The following GRIP1 variants were observed in gnomAD, a reference collection of about 807,000 sequenced individuals.
GRIP1 encodes the protein glutamate receptor interacting protein 1.
GRIP1 carries 45 observed loss-of-function variants against 129.9 expected under a neutral mutation model. The ratio of observed to expected loss-of-function variants is 0.35; its 90% confidence interval spans 0.27 to 0.44. The LOEUF is 0.44. Among genes scored for constraint, GRIP1 ranks in the 20% least tolerant of loss-of-function variants. GRIP1 has a pLI of 1.00. For missense variants in GRIP1, 1,196 were observed against 1,396.8 expected, an observed-to-expected ratio of 0.86 and a Z score of 2.29; for synonymous variants, 530 against 520.8, an observed-to-expected ratio of 1.02 and a Z score of -0.24.
intron 1 of GRIP1, among the ~76,000 whole-genome samples, chr12:66,888,386 GTC>G (rs1469547058): frequency 6.6e-6 from 1 of 152,024 alleles, no homozygotes; most frequent in South Asian, 2.1e-4. Flanking sequence ...TTAAGATAGA[GTC>G]TCTCTCTGTC....
chr12:66,976,565 A>C (rs543514884), intron 1 of GRIP1, among the ~76,000 whole-genome samples: 2 of 152,192 alleles, frequency 1.3e-5, no homozygotes, highest in South Asian at 4.1e-4. Flanking sequence ...GAAATGTGAC[A>C]TGTATATCAT....
chr12:67,024,646 T>C (rs904064574), intron 1 of GRIP1, among the ~76,000 whole-genome samples: 1 of 152,212 alleles, frequency 6.6e-6, no homozygotes, highest in African/African-American at 2.4e-5. Context: ...AAATTGTAGA[T>C]AGGAAAAGTA....
chr12:66,501,626 A>G (rs1050982609), intron 7 of GRIP1, among the ~76,000 whole-genome samples: 1 of 152,208 alleles, frequency 6.6e-6, no homozygotes, highest in African/African-American at 2.4e-5. Context: ...TCTAACTAAT[A>G]CATATACATG....
At chr12:66,476,174 T>C (rs1211161283) in intron 7 of GRIP1, among the ~76,000 whole-genome samples, 3 of 152,010 alleles carry the variant, frequency 2.0e-5, no homozygotes, top group African/African-American at 7.3e-5. Context: ...TAAAAAATGA[T>C]AAAGGGGATA....
At chr12:66,588,976 C>CAA (rs71278230) in intron 2 of GRIP1, among the ~76,000 whole-genome samples, 30 of 135,342 alleles carry the variant, frequency 2.2e-4, no homozygotes, top group East Asian at 8.5e-4. Context: ...CCCCCTCCTA[C>CAA]AAAAAAAAAA....
chr12:66,593,663 C>T (rs993198537), intron 2 of GRIP1, among the ~76,000 whole-genome samples: 15 of 152,168 alleles, frequency 9.9e-5, no homozygotes, highest in African/African-American at 3.6e-4. Flanking sequence ...CTGCATTCCA[C>T]CCCATTCATC....
intron 1 of GRIP1, among the ~76,000 whole-genome samples, chr12:66,685,098 C>T (rs372389032): frequency 5.1e-4 from 78 of 152,222 alleles, no homozygotes; most frequent in Middle Eastern, 3.4e-3. Flanking sequence ...CATCCTAGTC[C>T]AGACCTTCAC....
At chr12:66,572,993 C>T (rs1320444289) in intron 2 of GRIP1, among the ~76,000 whole-genome samples, 3 of 152,112 alleles carry the variant, frequency 2.0e-5, no homozygotes, top group African/African-American at 7.2e-5. Flanking sequence ...TTACCTCTAA[C>T]CAGTAGATAT....
At chr12:66,845,924 A>G (rs371990840) in intron 1 of GRIP1, among the ~76,000 whole-genome samples, 1 of 151,856 alleles carries the variant, frequency 6.6e-6, no homozygotes, top group African/African-American at 2.4e-5. Flanking sequence ...CTAAACCTCT[A>G]CTCCTACTCC....
At chr12:67,027,316 C>T (rs997083437) in intron 1 of GRIP1, among the ~76,000 whole-genome samples, 1 of 152,194 alleles carries the variant, frequency 6.6e-6, no homozygotes, top group East Asian at 1.9e-4. Context: ...TTTCCTATCA[C>T]CACACGTGGT....
At chr12:66,523,360 G>C (rs1409686531) in intron 5 of GRIP1, among the ~76,000 whole-genome samples, 1 of 144,210 alleles carries the variant, frequency 6.9e-6, no homozygotes, top group East Asian at 2.0e-4. Context: ...CCAGAAGAGA[G>C]TGGGGGCCAA....
intron 1 of GRIP1, among the ~76,000 whole-genome samples, chr12:66,788,554 A>T (rs577431843): frequency 9.1e-4 from 133 of 145,736 alleles, no homozygotes; most frequent in South Asian, 6.9e-3. Flanking sequence ...AATTAAATTT[A>T]AAAAAAAAAA....
At chr12:66,351,973 G>A (rs1438604860) in intron 24 of GRIP1, among the ~76,000 whole-genome samples, 1 of 152,124 alleles carries the variant, frequency 6.6e-6, no homozygotes, top group East Asian at 1.9e-4. Flanking sequence ...CCAAAAAGTT[G>A]AGTCGGAATG....
chr12:66,825,725 G>C (rs1045490396), intron 1 of GRIP1, among the ~76,000 whole-genome samples: 16 of 152,190 alleles, frequency 1.1e-4, no homozygotes, highest in African/African-American at 2.9e-4. Flanking sequence ...AGAATGATGA[G>C]AGTGCCCTTT....
chr12:66,470,612 T>C (rs1399390846), intron 7 of GRIP1, among the ~76,000 whole-genome samples: 2 of 152,138 alleles, frequency 1.3e-5, no homozygotes, highest in Non-Finnish European at 2.9e-5. Flanking sequence ...CCAGACCTGC[T>C]CATCTGCAGG....
chr12:67,049,883 G>C (rs2043313531), intron 1 of GRIP1, among the ~76,000 whole-genome samples: 1 of 150,906 alleles, frequency 6.6e-6, no homozygotes, highest in East Asian at 1.9e-4. Flanking sequence ...TGGATGCTTA[G>C]TATTTGTCAA....
intron 1 of GRIP1, among the ~76,000 whole-genome samples, chr12:66,889,299 C>A (rs1252270): frequency 0.72 from 109,901 of 151,878 alleles, 39,858 homozygotes; most frequent in Admixed American, 0.81. Flanking sequence ...ATCTCTACTA[C>A]AAATACAAAA....
intron 1 of GRIP1, among the ~76,000 whole-genome samples, chr12:66,936,975 T>C (rs949411887): frequency 6.6e-6 from 1 of 152,238 alleles, no homozygotes; most frequent in African/African-American, 2.4e-5. Context: ...TGGTGGCTTC[T>C]GCCATTTCCT....
At chr12:66,842,871 A>T (rs2039745975) in intron 1 of GRIP1, among the ~76,000 whole-genome samples, 1 of 152,174 alleles carries the variant, frequency 6.6e-6, no homozygotes, top group African/African-American at 2.4e-5. Flanking sequence ...ACAATAAAGT[A>T]CAGGAAGCCA....
Sources: gnomAD v4.1 joint callset for allele counts (sites outside exome capture counted in the v4.1 genomes callset) on GRCh38, gnomAD v4.1.1 for gene constraint, MANE v1.5 for transcripts, NCBI Gene and HGNC (gene_info 2026-07-23, HGNC 2026-07-21) for gene names.